ZC3H6: variants seen among roughly 807,000 people sequenced by gnomAD.
ZC3H6 encodes zinc finger CCCH domain-containing protein 6.
In ZC3H6, 40 loss-of-function variants were observed where a neutral mutation model predicts 107.7. That is an observed-to-expected ratio of 0.37 (90% CI 0.29 to 0.48). The LOEUF (loss-of-function observed/expected upper bound fraction) is 0.48. Ranked by LOEUF, ZC3H6 falls within the 20% of genes least tolerant of loss-of-function variation. The pLI is 0.98. For missense variants in ZC3H6, 1,267 were observed against 1,410.4 expected, an observed-to-expected ratio of 0.90 and a Z score of 1.63; for synonymous variants, 493 against 487.9, an observed-to-expected ratio of 1.01 and a Z score of -0.14.
chr2:112,297,462 T>C (rs1232745577), intron 1 of ZC3H6, among the ~76,000 whole-genome samples: 1 of 152,256 alleles, frequency 6.6e-6, no homozygotes, highest in Non-Finnish European at 1.5e-5. Context: ...TGTAGTAGTT[T>C]GCACTTTTTC....
At chr2:112,321,425 A>C (rs1395482855) in intron 7 of ZC3H6, among the ~76,000 whole-genome samples, 1 of 151,996 alleles carries the variant, frequency 6.6e-6, no homozygotes, top group Non-Finnish European at 1.5e-5. Flanking sequence ...AGCTGTTTGA[A>C]TGTTTTTGTA....
Position 112,322,661 on chromosome 2 carries a change from G to A in ZC3H6, c.1099G>A (p.Asp367Asn). The stretch of plus-strand genomic sequence containing the variant: ...CAATTATTTTTAGGTGTTGAATACT[G>A]ATGAAGAACTCATAAATGAAGATGA... ...KKLLDKVLNT[D>N]EELINEDERE... Residue 367 changes from aspartate (D) to asparagine (N), a missense_variant, in exon 9 of 12, where the codon GAT becomes AAT. Asp to Asn is a conservative substitution (Grantham distance 23). This residue lies in a region of ZC3H6 where 925 missense variants were observed against 1,025.7 expected (regional missense o/e 0.90). Coordinates refer to ENST00000409871, the MANE Select transcript of ZC3H6 (RefSeq NM_198581.3). The A allele has an allele frequency of 1.9e-6, 3 of 1,604,230 alleles. No individual in the cohort carries two copies. Among genetic ancestry groups the A allele is most frequent in the African/African-American group, 1.3e-5 (1 of 74,332 alleles).
At chr2:112,289,096 GCCC>G in intron 1 of ZC3H6, among the ~76,000 whole-genome samples, 1 of 135,736 alleles carries the variant, frequency 7.4e-6, no homozygotes, top group East Asian at 2.2e-4. Context: ...CCGCCCTGTT[GCCC>G]AGGCTGGAGT....
At chr2:112,327,548 C>T (rs1676925491) in intron 11 of ZC3H6, among the ~76,000 whole-genome samples, 1 of 152,120 alleles carries the variant, frequency 6.6e-6, no homozygotes, top group Non-Finnish European at 1.5e-5. Context: ...GCTTGGTTGC[C>T]TACGCTTGTG....
At chr2:112,312,572 T>C (rs1573959090) in intron 5 of ZC3H6, among the ~76,000 whole-genome samples, 1 of 152,262 alleles carries the variant, frequency 6.6e-6, no homozygotes, top group East Asian at 1.9e-4. Flanking sequence ...CATTAAAAGC[T>C]GGAGCTTTGG....
Position 112,334,227 on chromosome 2 carries a change from T to A in ZC3H6, c.*1739T>A, listed in dbSNP as rs1677100330. On this transcript the variant is annotated 3_prime_UTR_variant, in exon 12 of 12. Coordinates refer to ENST00000409871, the MANE Select transcript of ZC3H6 (RefSeq NM_198581.3). ...ATTTTGTTGTTAATTGAGAAGTCAA[T>A]AAAATGGATTAAACTGACAGAAAAA... 1 of 152,054 alleles carries A rather than the reference T, an allele frequency of 6.6e-6. No homozygotes were observed. The highest frequency in any genetic ancestry group is 2.1e-4 in the South Asian group (1 of 4,838). 9.4% of individuals were successfully genotyped at this position (152,054 alleles called of 1,614,324 possible).
intron 1 of ZC3H6, among the ~76,000 whole-genome samples, chr2:112,288,163 C>G (rs554771541): frequency 3.9e-5 from 6 of 152,158 alleles, no homozygotes; most frequent in East Asian, 3.9e-4. Context: ...GTACAAATAC[C>G]TTCAGGAACA....
intron 1 of ZC3H6, 63 bp downstream of exon 1, chr2:112,276,089 C>CGGGCCG (rs1038319641): frequency 2.5e-5 from 37 of 1,485,164 alleles, no homozygotes; most frequent in South Asian, 1.4e-4. Flanking sequence ...GCGGCGGGAG[C>CGGGCCG]GGGCCGGGGC....
chr2:112,275,796 C>A lies in ZC3H6; in HGVS notation c.-199C>A. The A allele has an allele frequency of 2.1e-6, 1 of 484,368 alleles. No individual in the cohort carries two copies. Among genetic ancestry groups the A allele is most frequent in the Non-Finnish European group, 3.7e-6 (1 of 269,252 alleles). 30.0% of individuals were successfully genotyped at this position (484,368 alleles called of 1,614,324 possible). ...CCAGTGTTTGCAGTTAGAGCCCCAT[C>A]TCTCTGGCGTGGTTGTTAATAGACT... is the stretch of plus-strand genomic sequence containing the variant. On this transcript the variant is annotated 5_prime_UTR_variant, in exon 1 of 12. Coordinates refer to ENST00000409871, the MANE Select transcript of ZC3H6 (RefSeq NM_198581.3).
Position 112,324,341 on chromosome 2 carries a change from A to G in ZC3H6, c.1530A>G (p.Leu510=). 1 of 1,613,932 alleles carries G rather than the reference A, an allele frequency of 6.2e-7. No individual in the cohort carries two copies. The highest frequency in any genetic ancestry group is 8.5e-7 in the Non-Finnish European group (1 of 1,179,804). The change falls in exon 10 of 12, where the codon CTA becomes CTG. Residue 510 remains leucine (L), a synonymous_variant. Transcript: ENST00000409871. The part of the protein sequence containing the change: ...GHHPCAGPPG[L]PVPQSPPLPP... ...ACCCATGTGCAGGACCTCCTGGTCT[A>G]CCAGTGCCACAGAGCCCACCTTTAC...
Position 112,332,082 on chromosome 2 carries a change from G to T in ZC3H6, c.3164G>T (p.Gly1055Val). ...AGTTTGTATGACCCTAGGGATCACG[G>T]TTCATCATCCACATCAGAGCTAGCA... Reference protein sequence around the residue: ...GISLYDPRDHGSSSTSELATA... With the variant: ...GISLYDPRDHVSSSTSELATA... The change falls in exon 12 of 12, where the codon GGT becomes GTT. Residue 1055 changes from glycine (G) to valine (V), a missense_variant. This residue lies in a region of ZC3H6 where 925 missense variants were observed against 1,025.7 expected (regional missense o/e 0.90). Coordinates refer to ENST00000409871, the MANE Select transcript of ZC3H6 (RefSeq NM_198581.3). 6.2e-7 allele frequency: 1 copy of T among 1,613,938 alleles called. No individual in the cohort carries two copies. The highest frequency in any genetic ancestry group is 8.5e-7 in the Non-Finnish European group (1 of 1,179,888).
In ZC3H6 at chr2:112,329,246, CCT is replaced by C. The variant is rs552465415; in HGVS notation, c.2087-1756_2087-1755del. ...AGCCTGTCTCTATTCTTCTACTCTCCCTCTGTTACTATTTTCACTCTCATTTA... is the reference window on the plus strand; with the variant it reads ...AGCCTGTCTCTATTCTTCTACTCTCCCTGTTACTATTTTCACTCTCATTTA... On this transcript the variant is annotated intron_variant, in intron 11 of 11. Coordinates refer to ENST00000409871, the MANE Select transcript of ZC3H6 (RefSeq NM_198581.3). 4.3e-3 allele frequency among the ~76,000 whole-genome samples: 650 copies of C among 152,008 alleles called. 4 individuals carry two copies. Among genetic ancestry groups the C allele is most frequent in the Non-Finnish European group, 6.4e-3 (434 of 67,970 alleles).
In ZC3H6 at chr2:112,314,951, G is replaced by A. The variant is rs543892513; in HGVS notation, c.748-1519G>A. 3.9e-5 allele frequency among the ~76,000 whole-genome samples: 6 copies of A among 152,292 alleles called. No homozygotes were observed. In the East Asian group the frequency reaches 1.2e-3, roughly 29 times the overall value. On this transcript the variant is annotated intron_variant, in intron 5 of 11. Coordinates refer to ENST00000409871, the MANE Select transcript of ZC3H6 (RefSeq NM_198581.3). ...TTTTTTAGAATTCTTACAGTAAAATGTGATTTGAGCTGTGAATGCTGGGGA... is the reference window on the plus strand; with the variant it reads ...TTTTTTAGAATTCTTACAGTAAAATATGATTTGAGCTGTGAATGCTGGGGA...
At chr2:112,276,500 C>T (rs1463195186) in intron 1 of ZC3H6, among the ~76,000 whole-genome samples, 4 of 152,100 alleles carry the variant, frequency 2.6e-5, no homozygotes, top group African/African-American at 9.7e-5. Context: ...TTTTAAGCAG[C>T]ACCAAAAGGC....
At chr2:112,313,830 A>G (rs1347824617) in intron 5 of ZC3H6, among the ~76,000 whole-genome samples, 9 of 152,178 alleles carry the variant, frequency 5.9e-5, no homozygotes, top group Non-Finnish European at 1.3e-4. Flanking sequence ...TTCAGAGACT[A>G]TGAGAGTCTC....
intron 5 of ZC3H6, among the ~76,000 whole-genome samples, chr2:112,313,368 A>C (rs902595155): frequency 6.6e-6 from 1 of 152,160 alleles, no homozygotes; most frequent in African/African-American, 2.4e-5. Context: ...AACCCAAACT[A>C]ATACAAATGC....
chr2:112,338,518 G>A lies in ZC3H6; in HGVS notation c.*6030G>A, dbSNP rs953506294. 5.9e-5 allele frequency: 9 copies of A among 152,094 alleles called. No individual in the cohort carries two copies. The highest frequency in any genetic ancestry group is 1.9e-4 in the African/African-American group (8 of 41,422). 9.4% of individuals were successfully genotyped at this position (152,094 alleles called of 1,614,324 possible). On this transcript the variant is annotated 3_prime_UTR_variant, in exon 12 of 12. Transcript: ENST00000409871. Reference sequence around the variant, plus strand: ...TGAGTTCTTGGAATAGTATTTTACAGCGTTGTTTATTCTTGACCTTCTTGT... The same window carrying A: ...TGAGTTCTTGGAATAGTATTTTACAACGTTGTTTATTCTTGACCTTCTTGT...
intron 5 of ZC3H6, 76 bp from the exon 6 acceptor site, chr2:112,316,394 A>T: frequency 1.1e-6 from 1 of 879,942 alleles, no homozygotes; most frequent in Non-Finnish European, 1.8e-6. Context: ...ACTTTTTTCC[A>T]GATCAACTTA....
At chr2:112,318,023 A>G (rs1676734338) in intron 7 of ZC3H6, among the ~76,000 whole-genome samples, 1 of 152,064 alleles carries the variant, frequency 6.6e-6, no homozygotes, top group South Asian at 2.1e-4. Context: ...GTTCACCCTC[A>G]TGTCTGTCTT....
Sources: allele counts gnomAD v4.1 joint callset (sites outside exome capture counted in the v4.1 genomes callset), GRCh38; gene constraint gnomAD v4.1.1; regional missense constraint gnomAD v4.1.1; transcripts MANE v1.5; gene names NCBI Gene and HGNC (gene_info 2026-07-23, HGNC 2026-07-21).